The following SGCZ variants were observed in gnomAD, a reference collection of about 807,000 sequenced individuals.
SGCZ encodes zeta-sarcoglycan.
SGCZ carries 40 observed loss-of-function variants against 41.3 expected under a neutral mutation model. That is an observed-to-expected ratio of 0.97 (90% CI 0.75 to 1.26). The LOEUF (loss-of-function observed/expected upper bound fraction) is 1.26. Ranked by LOEUF, SGCZ falls within the 50% of genes most tolerant of loss-of-function variation. SGCZ has a pLI of 0.00. For synonymous variants in SGCZ, 206 were observed against 137.5 expected (o/e 1.50, Z -3.49); for missense variants, 552 against 369.8 (o/e 1.49, Z -4.04).
At chr8:15,228,464 G>A (rs1290057813) in intron 1 of SGCZ, among the ~76,000 whole-genome samples, 1 of 152,158 alleles carries the variant, frequency 6.6e-6, no homozygotes, top group Non-Finnish European at 1.5e-5. Flanking sequence ...AAAAGTAACT[G>A]TCTCTGCTGC....
At chr8:14,490,173 C>T (rs916038747) in intron 2 of SGCZ, among the ~76,000 whole-genome samples, 3 of 152,062 alleles carry the variant, frequency 2.0e-5, no homozygotes, top group Admixed American at 6.6e-5. Context: ...GCCAACTCTC[C>T]TGCCTTTTAT....
At chr8:14,792,854 C>T (rs780827289) in intron 1 of SGCZ, among the ~76,000 whole-genome samples, 18 of 152,030 alleles carry the variant, frequency 1.2e-4, no homozygotes, top group Non-Finnish European at 2.4e-4. Flanking sequence ...GGGCCTTGCT[C>T]CCAGCCTTCT....
intron 1 of SGCZ, among the ~76,000 whole-genome samples, chr8:15,181,552 T>C (rs1237001566): frequency 6.6e-6 from 1 of 152,180 alleles, no homozygotes; most frequent in Non-Finnish European, 1.5e-5. Context: ...GAAACTGTAG[T>C]GTCAAGCAAA....
intron 3 of SGCZ, among the ~76,000 whole-genome samples, chr8:14,249,330 C>T (rs768176701): frequency 5.3e-5 from 8 of 152,148 alleles, no homozygotes; most frequent in African/African-American, 1.4e-4. Flanking sequence ...CATGATATCA[C>T]AGGCTTTCCT....
At chr8:14,687,667 G>C (rs566021805) in intron 1 of SGCZ, among the ~76,000 whole-genome samples, 1 of 151,626 alleles carries the variant, frequency 6.6e-6, no homozygotes, top group Non-Finnish European at 1.5e-5. Flanking sequence ...ATGTGCATGT[G>C]TCTTTATAGC....
intron 2 of SGCZ, among the ~76,000 whole-genome samples, chr8:14,406,887 G>C (rs572943220): frequency 3.5e-4 from 53 of 152,232 alleles, no homozygotes; most frequent in Non-Finnish European, 6.2e-4. Context: ...TTCGCAAGGA[G>C]CTGCTGCTGT....
chr8:14,139,659 T>C (rs770095071), intron 5 of SGCZ, among the ~76,000 whole-genome samples: 3 of 152,076 alleles, frequency 2.0e-5, no homozygotes, highest in Non-Finnish European at 4.4e-5. Context: ...AATCCCTGAA[T>C]AGACTAAAAA....
At chr8:14,711,506 G>A (rs965169267) in intron 1 of SGCZ, among the ~76,000 whole-genome samples, 22 of 148,638 alleles carry the variant, frequency 1.5e-4, no homozygotes, top group East Asian at 6.1e-4. Flanking sequence ...GAAGGCTGAC[G>A]CAGGAGAATT....
intron 1 of SGCZ, among the ~76,000 whole-genome samples, chr8:14,926,833 G>A (rs1380252597): frequency 6.6e-6 from 1 of 151,884 alleles, no homozygotes; most frequent in Non-Finnish European, 1.5e-5. Flanking sequence ...TAGAGACAGG[G>A]TTTCACCATG....
chr8:15,118,031 G>A (rs936448961), intron 1 of SGCZ, among the ~76,000 whole-genome samples: 37 of 152,174 alleles, frequency 2.4e-4, no homozygotes, highest in African/African-American at 8.2e-4. Context: ...AGATAAGAAT[G>A]TCCTTGTGAT....
chr8:15,071,765 G>C (rs866007530), intron 1 of SGCZ, among the ~76,000 whole-genome samples: 24 of 152,014 alleles, frequency 1.6e-4, no homozygotes, highest in South Asian at 2.1e-4. Context: ...TGGGTAGTCG[G>C]GTATGACCTG....
chr8:14,843,538 G>C (rs1193732990), intron 1 of SGCZ, among the ~76,000 whole-genome samples: 1 of 152,134 alleles, frequency 6.6e-6, no homozygotes, highest in African/African-American at 2.4e-5. Context: ...AAATTAAATA[G>C]TGTTATTTCT....
At chr8:14,445,376 C>A (rs1471650593) in intron 2 of SGCZ, among the ~76,000 whole-genome samples, 1 of 152,168 alleles carries the variant, frequency 6.6e-6, no homozygotes, top group Non-Finnish European at 1.5e-5. Context: ...CTATCCTTTG[C>A]CTATAAAGAC....
intron 2 of SGCZ, among the ~76,000 whole-genome samples, chr8:14,427,805 C>G (rs1411097040): frequency 6.6e-6 from 1 of 152,058 alleles, no homozygotes; most frequent in East Asian, 1.9e-4. Context: ...ATAAGCCACA[C>G]AGTTGGCCCT....
At chr8:15,027,631 T>C (rs1221890811) in intron 1 of SGCZ, among the ~76,000 whole-genome samples, 5 of 152,054 alleles carry the variant, frequency 3.3e-5, no homozygotes, top group Non-Finnish European at 7.4e-5. Flanking sequence ...TCTGAAGATA[T>C]TGCAAGATAT....
chr8:15,164,639 G>GTGTT (rs1799601823), intron 1 of SGCZ, among the ~76,000 whole-genome samples: 1 of 140,780 alleles, frequency 7.1e-6, no homozygotes, highest in Admixed American at 7.1e-5. Flanking sequence ...TTTTAAGCAA[G>GTGTT]TTTTTTTTTT....
At chr8:14,698,781 G>A (rs1368702173) in intron 1 of SGCZ, among the ~76,000 whole-genome samples, 1 of 151,908 alleles carries the variant, frequency 6.6e-6, no homozygotes, top group Non-Finnish European at 1.5e-5. Flanking sequence ...AGCTGATCTT[G>A]TATTTGAAGA....
At chr8:15,041,072 T>C (rs7842615) in intron 1 of SGCZ, among the ~76,000 whole-genome samples, 6 of 151,950 alleles carry the variant, frequency 3.9e-5, no homozygotes, top group Non-Finnish European at 5.9e-5. Context: ...ATTTTTAATA[T>C]AATACTAAAA....
At chr8:14,289,652 A>G (rs1227789428) in intron 3 of SGCZ, among the ~76,000 whole-genome samples, 1 of 152,076 alleles carries the variant, frequency 6.6e-6, no homozygotes, top group Non-Finnish European at 1.5e-5. Flanking sequence ...GGCCAGAAAT[A>G]AACTCACACA....
Sources: allele counts gnomAD v4.1 joint callset (sites outside exome capture counted in the v4.1 genomes callset), GRCh38; gene constraint gnomAD v4.1.1; transcripts MANE v1.5; gene names NCBI Gene and HGNC (gene_info 2026-07-23, HGNC 2026-07-21).